The following PPEF1 variants were observed in gnomAD, a reference collection of about 807,000 sequenced individuals.
PPEF1 encodes serine/threonine-protein phosphatase with EF-hands 1.
A neutral mutation model predicts 53.3 loss-of-function variants in PPEF1; 12 were observed. The observed-to-expected ratio is 0.23, with a 90% CI of 0.14 to 0.36. PPEF1 has a LOEUF of 0.36. Ranked by LOEUF, PPEF1 falls within the 10% of genes least tolerant of loss-of-function variation. The pLI is 1.00. For missense variants in PPEF1, 334 were observed against 490.4 expected, an observed-to-expected ratio of 0.68 and a Z score of 3.01; for synonymous variants, 165 against 176.7, an observed-to-expected ratio of 0.93 and a Z score of 0.52.
intron 13 of PPEF1, among the ~76,000 whole-genome samples, chrX:18,821,594 T>C (rs1307512952): frequency 1.8e-5 from 2 of 109,976 alleles, no homozygotes; most frequent in African/African-American, 6.6e-5. Context: ...GTATTTTTAG[T>C]GGAGACAAGG....
chrX:18,735,867 C>G (rs1256042510), intron 3 of PPEF1, among the ~76,000 whole-genome samples: 36 of 111,511 alleles, frequency 3.2e-4, no homozygotes, highest in Middle Eastern at 4.6e-3. Flanking sequence ...TGAATTCCTA[C>G]GTATTTTATT....
At chrX:18,794,765 G>C (rs1488051708) in intron 10 of PPEF1, among the ~76,000 whole-genome samples, 1 of 111,965 alleles carries the variant, frequency 8.9e-6, no homozygotes, top group Non-Finnish European at 1.9e-5. Flanking sequence ...CCATCAGCTT[G>C]CTCCTTCTGG....
chrX:18,709,502 G>GTTTTTTTTTTTTTTTTTTTTTT (rs752416903), intron 1 of PPEF1, among the ~76,000 whole-genome samples: 1 of 101,093 alleles, frequency 9.9e-6, no homozygotes, highest in African/African-American at 3.8e-5. Flanking sequence ...TTTGTTTTTT[G>GTTTTTTTTTTTTTTTTTTTTTT]TTTTTTGTTT....
intron 1 of PPEF1, among the ~76,000 whole-genome samples, chrX:18,716,531 C>CAAAAA (rs34160021): frequency 9.0e-5 from 4 of 44,630 alleles, no homozygotes; most frequent in East Asian, 7.5e-4. Context: ...GACACCATCT[C>CAAAAA]AAAAAAAAAA....
intron 10 of PPEF1, among the ~76,000 whole-genome samples, chrX:18,793,992 T>C (rs1444255051): frequency 8.9e-6 from 1 of 111,743 alleles, no homozygotes; most frequent in Non-Finnish European, 1.9e-5. Context: ...TTCCCTGATC[T>C]CTCCTTTAAG....
At chrX:18,786,929 G>C (rs2046217274) in intron 9 of PPEF1, among the ~76,000 whole-genome samples, 1 of 110,901 alleles carries the variant, frequency 9.0e-6, no homozygotes, top group Admixed American at 9.6e-5. Context: ...GGGAGAGTTT[G>C]TGGGCCAGCC....
chrX:18,676,245 A>C (rs1213579368), intron 1 of PPEF1: 1 of 110,921 alleles, frequency 9.0e-6, no homozygotes, highest in African/African-American at 3.3e-5. Context: ...CTCCTTTGTA[A>C]ATACAAGGGT....
intron 3 of PPEF1, among the ~76,000 whole-genome samples, chrX:18,746,631 A>G (rs1430921567): frequency 1.8e-5 from 2 of 112,264 alleles, no homozygotes; most frequent in Admixed American, 9.5e-5. Flanking sequence ...CCGATGGGAA[A>G]GGGAGAGATG....
chrX:18,804,178 T>C, intron 11 of PPEF1, 101 bp downstream of exon 11: 3 of 772,154 alleles, frequency 3.9e-6, no homozygotes, highest in Non-Finnish European at 5.5e-6. Context: ...TGAGAAGATG[T>C]CTTCTCTAGT....
At chrX:18,811,968 C>T (rs994919655) in intron 12 of PPEF1, among the ~76,000 whole-genome samples, 2 of 111,083 alleles carry the variant, frequency 1.8e-5, no homozygotes, top group South Asian at 7.8e-4. Flanking sequence ...TTATCCCTTT[C>T]TCTGTGGTAT....
At chrX:18,771,827 A>C (rs1401269101) in intron 6 of PPEF1, among the ~76,000 whole-genome samples, 1 of 111,843 alleles carries the variant, frequency 8.9e-6, no homozygotes, top group Non-Finnish European at 1.9e-5. Context: ...TATTAAGAAA[A>C]TCTTAGGCCA....
chrX:18,758,765 G>A (rs766221081), intron 5 of PPEF1, among the ~76,000 whole-genome samples: 43 of 111,244 alleles, frequency 3.9e-4, no homozygotes, highest in Non-Finnish European at 1.5e-4. Flanking sequence ...TGAGGCCAGG[G>A]CTAGGTGTGC....
chrX:18,728,677 C>T (rs1431417201), intron 1 of PPEF1, among the ~76,000 whole-genome samples: 1 of 111,282 alleles, frequency 9.0e-6, no homozygotes, highest in African/African-American at 3.3e-5. Flanking sequence ...CTGGGGTTTT[C>T]TGAAACCTGA....
At chrX:18,683,812 T>A (rs1458469344) in intron 1 of PPEF1, among the ~76,000 whole-genome samples, 1 of 111,982 alleles carries the variant, frequency 8.9e-6, no homozygotes, top group Non-Finnish European at 1.9e-5. Flanking sequence ...CTGTCGTGAT[T>A]ACTATTTTGC....
chrX:18,777,839 G>A (rs1268478316), intron 6 of PPEF1, among the ~76,000 whole-genome samples: 2 of 110,739 alleles, frequency 1.8e-5, no homozygotes, highest in Non-Finnish European at 3.8e-5. Flanking sequence ...TCTGCCTCCC[G>A]GGTTCAAGCA....
At chrX:18,783,404 A>G (rs991131829) in intron 8 of PPEF1, among the ~76,000 whole-genome samples, 5 of 110,926 alleles carry the variant, frequency 4.5e-5, no homozygotes, top group African/African-American at 1.6e-4. Flanking sequence ...CAAGGCCCCA[A>G]GATGTCATAG....
chrX:18,759,806 A>G (rs934116195), intron 5 of PPEF1, among the ~76,000 whole-genome samples: 1 of 111,919 alleles, frequency 8.9e-6, no homozygotes, highest in Non-Finnish European at 1.9e-5. Context: ...TATTGCATGT[A>G]TTTGGTTAAT....
intron 9 of PPEF1, among the ~76,000 whole-genome samples, chrX:18,786,982 C>T (rs962892263): frequency 1.8e-5 from 2 of 110,924 alleles, no homozygotes; most frequent in South Asian, 7.6e-4. Context: ...TCAGGGATAA[C>T]TGTTCTACCT....
rs755163492 is a variant in PPEF1 at position 18,695,481 on chromosome X, T to C, written c.-312-2364T>C. 3.4e-4 allele frequency among the ~76,000 whole-genome samples: 38 copies of C among 112,109 alleles called. 1 individual carries two copies. The South Asian group carries it at 8.9e-3, about 26-fold the overall frequency. ...TGAATTGACCAGGAGGAAGGGATCA[T>C]TGGGGGCAGCTTAGAGTCTGTCTGC... On this transcript the variant is annotated intron_variant, in intron 4 of 21. Transcript: ENST00000361511.
Sources: allele counts gnomAD v4.1 joint callset (sites outside exome capture counted in the v4.1 genomes callset), GRCh38; gene constraint gnomAD v4.1.1; transcripts MANE v1.5; gene names NCBI Gene and HGNC (gene_info 2026-07-23, HGNC 2026-07-21).